The following PRR33 variants were observed in gnomAD, a reference collection of about 807,000 sequenced individuals.
PRR33 encodes the protein proline rich 33, also known as proline-rich protein 33.
In PRR33, 1 loss-of-function variant was observed where a neutral mutation model predicts 0.5. That is an observed-to-expected ratio of 2.18 (90% confidence interval 0.77 to 10.34). The LOEUF (loss-of-function observed/expected upper bound fraction) is 10.34. Among genes scored for constraint, PRR33 ranks in the 30% most tolerant of loss-of-function variants. The pLI is 0.13. For missense variants in PRR33, 552 were observed against 251.8 expected, an observed-to-expected ratio of 2.19 and a Z score of -8.07; for synonymous variants, 226 against 110.0, an observed-to-expected ratio of 2.06 and a Z score of -6.60.
chr11:1,917,177 C>T, the PRR33 span, among the ~76,000 whole-genome samples: 10 of 152,202 alleles, frequency 6.6e-5, no homozygotes, highest in African/African-American at 1.9e-4. Context: ...ACAGCTGGGC[C>T]GAGCGGCCTC....
rs913955634 is a variant in PRR33 at position 1,889,724 on chromosome 11, C to A, written c.861G>T (p.Met287Ile). Residue 287 changes from methionine (M) to isoleucine (I), a missense_variant, in exon 1 of 1, where the codon ATG becomes ATT. Transcript: ENST00000640310. Reference sequence around the variant, plus strand: ...CCTCCAGGTGCTCTCTGCCAGGGCCCATGGGGACCAGGCTGTGCGGTGAGG... The same window carrying A: ...CCTCCAGGTGCTCTCTGCCAGGGCCAATGGGGACCAGGCTGTGCGGTGAGG... 9.2e-6 allele frequency: 6 copies of A among 653,538 alleles called. No individual in the cohort carries two copies. The African/African-American group carries it at 1.1e-4, about 12-fold the overall frequency. 40.5% of individuals were successfully genotyped at this position (653,538 alleles called of 1,614,324 possible).
chr11:1,907,477 T>A, the PRR33 span, among the ~76,000 whole-genome samples: 1 of 152,228 alleles, frequency 6.6e-6, no homozygotes, highest in Non-Finnish European at 1.5e-5. Context: ...AGTGGCGCAA[T>A]CTTGGCTCAC....
the PRR33 span, among the ~76,000 whole-genome samples, chr11:1,904,202 T>A: frequency 6.6e-6 from 1 of 152,204 alleles, no homozygotes; most frequent in Admixed American, 6.5e-5. Flanking sequence ...CTGGAAGCTC[T>A]ACGCCAGATC....
At chr11:1,911,520 C>T in the PRR33 span, among the ~76,000 whole-genome samples, 2 of 151,846 alleles carry the variant, frequency 1.3e-5, no homozygotes, top group African/African-American at 2.4e-5. Flanking sequence ...CGGGTTCAAT[C>T]GATTCTCCTA....
the PRR33 span, among the ~76,000 whole-genome samples, chr11:1,902,293 A>T: frequency 6.6e-6 from 1 of 152,008 alleles, no homozygotes; most frequent in African/African-American, 2.4e-5. Flanking sequence ...GGTCCTTCTA[A>T]TGTGGCTACT....
chr11:1,914,351 C>T, the PRR33 span, among the ~76,000 whole-genome samples: 2 of 147,222 alleles, frequency 1.4e-5, no homozygotes, highest in East Asian at 2.0e-4. Context: ...TGTAGGGTCA[C>T]GCATCTGGGA....
chr11:1,911,314 C>T, the PRR33 span, among the ~76,000 whole-genome samples: 1 of 148,108 alleles, frequency 6.8e-6, no homozygotes, highest in South Asian at 2.4e-4. Flanking sequence ...TGGTGGTGGG[C>T]GCCTGTAATC....
At chr11:1,907,332 C>T in the PRR33 span, among the ~76,000 whole-genome samples, 1 of 152,184 alleles carries the variant, frequency 6.6e-6, no homozygotes, top group African/African-American at 2.4e-5. Context: ...CCCTTTTCTT[C>T]CATCATGTTT....
chr11:1,904,059 G>C, the PRR33 span, among the ~76,000 whole-genome samples: 3 of 152,138 alleles, frequency 2.0e-5, no homozygotes, highest in Admixed American at 2.0e-4. Context: ...AACTCAGATG[G>C]CTCAAAACAC....
the PRR33 span, among the ~76,000 whole-genome samples, chr11:1,898,415 T>G: frequency 2.6e-5 from 4 of 152,230 alleles, no homozygotes; most frequent in Admixed American, 2.6e-4. Context: ...TTTAATATTT[T>G]TAGTAGAGAT....
exon 1 of PRR33, chr11:1,890,890 A>G (rs1848971839): frequency 2.5e-6 from 1 of 395,024 alleles, no homozygotes; most frequent in South Asian, 4.2e-5. Flanking sequence ...AGCACAAAGC[A>G]GGCCCCAAGT....
the PRR33 span, among the ~76,000 whole-genome samples, chr11:1,899,185 A>T: frequency 3.3e-5 from 5 of 152,130 alleles, no homozygotes; most frequent in African/African-American, 1.2e-4. Context: ...CTTGGGAAAA[A>T]GCTGTCCATA....
chr11:1,915,547 T>G, the PRR33 span, among the ~76,000 whole-genome samples: 8 of 94,650 alleles, frequency 8.5e-5, no homozygotes, highest in South Asian at 4.5e-4. Context: ...GTGTGTGTGT[T>G]GTGGGGGGTG....
chr11:1,901,326 A>AT, the PRR33 span, among the ~76,000 whole-genome samples: 1 of 152,022 alleles, frequency 6.6e-6, no homozygotes, highest in East Asian at 1.9e-4. Context: ...AAAAAAAAAA[A>AT]GGCAAGATGG....
At chr11:1,900,371 C>T in the PRR33 span, among the ~76,000 whole-genome samples, 1 of 152,130 alleles carries the variant, frequency 6.6e-6, no homozygotes, top group South Asian at 2.1e-4. Context: ...TCTTGGTATT[C>T]AATTAATTTT....
exon 1 of PRR33, among the ~76,000 whole-genome samples, chr11:1,888,392 G>A (rs1349528920): frequency 2.0e-5 from 3 of 152,048 alleles, no homozygotes; most frequent in African/African-American, 7.2e-5. Context: ...TCATCCAGCT[G>A]TCAAAGCCTG....
the PRR33 span, among the ~76,000 whole-genome samples, chr11:1,912,300 C>G: frequency 6.6e-6 from 1 of 150,934 alleles, no homozygotes; most frequent in Admixed American, 6.6e-5. Context: ...TTTTTTTTGT[C>G]TTTGCACCCC....
chr11:1,914,240 T>A, the PRR33 span, among the ~76,000 whole-genome samples: 1 of 151,646 alleles, frequency 6.6e-6, no homozygotes, highest in East Asian at 2.0e-4. Flanking sequence ...TGTGTGTGTG[T>A]GTGTTGTAGG....
chr11:1,911,567 A>G, the PRR33 span, among the ~76,000 whole-genome samples: 2 of 148,376 alleles, frequency 1.3e-5, no homozygotes, highest in Non-Finnish European at 1.5e-5. Flanking sequence ...ACAGGCACCC[A>G]CCACCACGCC....
Sources: allele counts gnomAD v4.1 joint callset (sites outside exome capture counted in the v4.1 genomes callset), GRCh38; gene constraint gnomAD v4.1.1; transcripts MANE v1.5; gene names NCBI Gene and HGNC (gene_info 2026-07-23, HGNC 2026-07-21).